The following SPON1 variants were observed in gnomAD, a reference collection of about 807,000 sequenced individuals.
SPON1 encodes the protein spondin 1.
Under a neutral mutation model 111.7 loss-of-function variants are expected in SPON1, and 52 were observed. That is an observed-to-expected ratio of 0.47 (90% CI 0.37 to 0.59). The LOEUF is 0.59. Among genes scored for constraint, SPON1 ranks in the 20% least tolerant of loss-of-function variants. The pLI is 0.00. For synonymous variants in SPON1, 410 were observed against 395.8 expected, an observed-to-expected ratio of 1.04 and a Z score of -0.43; for missense variants, 957 against 1,068.5, an observed-to-expected ratio of 0.90 and a Z score of 1.46.
At chr11:14,145,791 G>A (rs1847710518) in intron 6 of SPON1, among the ~76,000 whole-genome samples, 1 of 151,988 alleles carries the variant, frequency 6.6e-6, no homozygotes. Context: ...CATCAATAGG[G>A]GTCATATTAG....
chr11:14,068,720 T>G (rs1017774912), intron 3 of SPON1, among the ~76,000 whole-genome samples: 19 of 152,150 alleles, frequency 1.2e-4, no homozygotes, highest in African/African-American at 4.1e-4. Flanking sequence ...TACCAACACT[T>G]TCCCCAACTC....
At chr11:14,024,374 G>A (rs569512147) in intron 2 of SPON1, among the ~76,000 whole-genome samples, 2 of 152,242 alleles carry the variant, frequency 1.3e-5, no homozygotes, top group South Asian at 4.1e-4. Context: ...ATCACAGGTG[G>A]GCTTGGTGCA....
rs139213842 is a variant in SPON1, at chr11:14,046,937, G to A, written c.479+5283G>A. Among the ~76,000 whole-genome samples, 754 of 152,128 alleles carry A rather than the reference G, an allele frequency of 5.0e-3. 7 individuals carry two copies. The highest frequency in any genetic ancestry group is 6.8e-3 in the Middle Eastern group (2 of 294). On this transcript the variant is annotated intron_variant, in intron 3 of 15. Coordinates refer to ENST00000576479, the MANE Select transcript of SPON1 (RefSeq NM_006108.4). Reference sequence around the variant, plus strand: ...CTTGAGAGGCTTTTTCCCCACATAGGTAATTTATAGTTTTATTTCTTTTGT... The same window carrying A: ...CTTGAGAGGCTTTTTCCCCACATAGATAATTTATAGTTTTATTTCTTTTGT...
chr11:14,020,404 C>T (rs911030303), intron 2 of SPON1, among the ~76,000 whole-genome samples: 2 of 152,224 alleles, frequency 1.3e-5, no homozygotes, highest in Non-Finnish European at 2.9e-5. Context: ...TGACCATTGC[C>T]AGTGCAGATT....
intron 6 of SPON1, among the ~76,000 whole-genome samples, chr11:14,157,568 G>A (rs906925501): frequency 6.6e-6 from 1 of 152,100 alleles, no homozygotes; most frequent in Middle Eastern, 3.4e-3. Flanking sequence ...CCATGTCTTG[G>A]TATCTTTTGT....
intron 6 of SPON1, among the ~76,000 whole-genome samples, chr11:14,210,051 A>C (rs1848557291): frequency 6.6e-6 from 1 of 152,146 alleles, no homozygotes; most frequent in Non-Finnish European, 1.5e-5. Context: ...TGGCCATGTA[A>C]ATGTCTTCTT....
At chr11:14,048,633 C>G (rs187801301) in intron 3 of SPON1, among the ~76,000 whole-genome samples, 3 of 152,166 alleles carry the variant, frequency 2.0e-5, no homozygotes, top group African/African-American at 7.2e-5. Flanking sequence ...TACAAATGAG[C>G]GACCCAGCAC....
At chr11:14,140,935 A>T (rs1355815427) in intron 6 of SPON1, among the ~76,000 whole-genome samples, 1 of 151,430 alleles carries the variant, frequency 6.6e-6, no homozygotes, top group Non-Finnish European at 1.5e-5. Context: ...CTTCCTTGCC[A>T]TGTTCCCGAA....
chr11:13,963,018 C>A lies in SPON1; in HGVS notation c.114C>A (p.Pro38=), dbSNP rs1591333357. The A allele has an allele frequency of 2.5e-6, 4 of 1,592,354 alleles. No homozygotes were observed. The highest frequency in any genetic ancestry group is 3.4e-6 in the Non-Finnish European group (4 of 1,170,660). Residue 38 remains proline, a synonymous_variant, in exon 1 of 16, where the codon CCC becomes CCA. Transcript: ENST00000576479. ...AFSDETLDKV[P]KSEGYCSRIL... is the part of the protein sequence containing the mutation. ...CCGACGAGACCCTGGACAAAGTGCCCAAGTCAGAGGGCTACTGCAGCCGTA... is the reference window on the plus strand; with the variant it reads ...CCGACGAGACCCTGGACAAAGTGCCAAAGTCAGAGGGCTACTGCAGCCGTA...
chr11:14,175,769 G>A (rs374067659), intron 6 of SPON1, among the ~76,000 whole-genome samples: 2 of 152,092 alleles, frequency 1.3e-5, no homozygotes, highest in South Asian at 2.1e-4. Context: ...GGCTTCTGGC[G>A]ACCCTGCTCA....
At chr11:14,223,264 T>C (rs1168236861) in intron 6 of SPON1, among the ~76,000 whole-genome samples, 1 of 152,126 alleles carries the variant, frequency 6.6e-6, no homozygotes, top group African/African-American at 2.4e-5. Flanking sequence ...CTTAGGAGGC[T>C]GAAGTAGGAG....
intron 5 of SPON1, among the ~76,000 whole-genome samples, chr11:14,130,179 A>C (rs1847511519): frequency 6.6e-6 from 1 of 152,214 alleles, no homozygotes; most frequent in Non-Finnish European, 1.5e-5. Flanking sequence ...GAAGGAGCAA[A>C]ACTGAGGTTC....
chr11:14,221,563 C>T (rs1322266576), intron 6 of SPON1, among the ~76,000 whole-genome samples: 2 of 146,076 alleles, frequency 1.4e-5, no homozygotes, highest in East Asian at 2.0e-4. Flanking sequence ...ACAGCTGCCA[C>T]GGCGAAAGCC....
chr11:14,005,947 C>G (rs1215945616), intron 2 of SPON1, among the ~76,000 whole-genome samples: 1 of 152,062 alleles, frequency 6.6e-6, no homozygotes, highest in East Asian at 1.9e-4. Flanking sequence ...ATATTACCCA[C>G]TTTGGAGGGT....
chr11:14,033,030 T>G (rs1337694213), intron 2 of SPON1, among the ~76,000 whole-genome samples: 1 of 152,112 alleles, frequency 6.6e-6, no homozygotes, highest in Non-Finnish European at 1.5e-5. Context: ...GTCCCCTGAG[T>G]TGTTTCCTTA....
chr11:14,050,012 G>GTATCACT (rs1848696646), intron 3 of SPON1, among the ~76,000 whole-genome samples: 1 of 151,470 alleles, frequency 6.6e-6, no homozygotes, highest in South Asian at 2.1e-4. Flanking sequence ...AGTAATGGAA[G>GTATCACT]CATCACTCAG....
At chr11:14,154,137 A>C (rs1554930161) in intron 6 of SPON1, among the ~76,000 whole-genome samples, 1 of 152,078 alleles carries the variant, frequency 6.6e-6, no homozygotes, top group African/African-American at 2.4e-5. Context: ...CTGTTGGTAG[A>C]TCTACCATTC....
chr11:14,244,898 C>T (rs1047568743), intron 7 of SPON1, among the ~76,000 whole-genome samples: 45 of 152,226 alleles, frequency 3.0e-4, no homozygotes, highest in Non-Finnish European at 1.3e-4. Context: ...TTGTCCTCCC[C>T]ATGCTGCACC....
intron 3 of SPON1, among the ~76,000 whole-genome samples, chr11:14,070,382 G>A (rs1848865878): frequency 6.6e-6 from 1 of 152,154 alleles, no homozygotes; most frequent in Non-Finnish European, 1.5e-5. Context: ...TCTGTCTGAA[G>A]CAGCTGACTA....
Sources: allele counts gnomAD v4.1 joint callset (sites outside exome capture counted in the v4.1 genomes callset), GRCh38; gene constraint gnomAD v4.1.1; transcripts MANE v1.5; gene names NCBI Gene and HGNC (gene_info 2026-07-23, HGNC 2026-07-21).